Variants in TAB2 observed in about 807,000 individuals in gnomAD.
The protein encoded by TAB2 is TGF-beta-activated kinase 1 and MAP3K7-binding protein 2.
TAB2 carries 3 observed loss-of-function variants against 65.0 expected under a neutral mutation model. The ratio of observed to expected loss-of-function variants is 0.05; its 90% CI spans 0.02 to 0.12. The LOEUF (loss-of-function observed/expected upper bound fraction) is 0.12, where lower values mean the gene tolerates loss of function less well. TAB2 is among the 10% of genes least tolerant of loss of function. TAB2 has a pLI of 1.00. For missense variants in TAB2, 623 were observed against 840.3 expected (o/e 0.74, Z 3.20); for synonymous variants, 298 against 285.1 (o/e 1.05, Z -0.46).
intron 1 of TAB2, among the ~76,000 whole-genome samples, chr6:149,270,965 G>A (rs1279279258): frequency 6.6e-6 from 1 of 152,128 alleles, no homozygotes; most frequent in African/African-American, 2.4e-5. Context: ...GAGGGTTACG[G>A]GGTGGTATAA....
chr6:149,233,401 T>C (rs993104213), intron 1 of TAB2, among the ~76,000 whole-genome samples: 2 of 152,200 alleles, frequency 1.3e-5, no homozygotes, highest in African/African-American at 4.8e-5. Flanking sequence ...CCTTCCTGCC[T>C]GGGCCCAGAG....
intron 1 of TAB2, among the ~76,000 whole-genome samples, chr6:149,307,061 G>GCC (rs1334939942): frequency 6.6e-6 from 1 of 152,124 alleles, no homozygotes; most frequent in Non-Finnish European, 1.5e-5. Flanking sequence ...CCCAAAGGCT[G>GCC]CCCCTCCTCC....
intron 3 of TAB2, chr6:149,380,009 A>G (rs1421635439): frequency 6.7e-6 from 3 of 447,322 alleles, no homozygotes; most frequent in South Asian, 4.8e-5. Flanking sequence ...GGAGGCCAAG[A>G]TGGGAGGATC....
chr6:149,226,194 T>C (rs1344325737), intron 1 of TAB2, among the ~76,000 whole-genome samples: 4 of 152,162 alleles, frequency 2.6e-5, no homozygotes, highest in African/African-American at 9.7e-5. Flanking sequence ...TTGTTTGGTA[T>C]AGCTCGGGCA....
At position 149,327,410 on chromosome 6, in the gene TAB2, C is replaced by T. The variant is rs866753891; in HGVS notation, c.-90+9395C>T. The stretch of plus-strand genomic sequence containing the variant: ...TCGATTTCTAGGCCCAAGCCATCCT[C>T]TTGCCTCAGCTTCCCAAGTAGCTAG... On this transcript the variant is annotated intron_variant, in intron 1 of 6. Coordinates refer to ENST00000637181, the MANE Select transcript of TAB2 (RefSeq NM_001292034.3). 3.3e-4 allele frequency among the ~76,000 whole-genome samples: 50 copies of T among 152,346 alleles called. 1 individual carries two copies. The highest frequency in any genetic ancestry group is 1.1e-3 in the African/African-American group (47 of 41,578).
intron 1 of TAB2, among the ~76,000 whole-genome samples, chr6:149,335,648 ACAGGTATGAGCC>A (rs1033827860): frequency 3.3e-5 from 5 of 152,282 alleles, no homozygotes; most frequent in Middle Eastern, 3.4e-3. Context: ...TGCTGCGATT[ACAGGTATGAGCC>A]ACTATACCTG....
intron 1 of TAB2, chr6:149,230,172 G>A (rs1198075765): frequency 6.6e-6 from 1 of 152,216 alleles, no homozygotes; most frequent in Admixed American, 6.5e-5. Context: ...CTTGTGGTCT[G>A]ATGCATTTAT....
At chr6:149,369,336 G>A (rs1468258054) in intron 1 of TAB2, among the ~76,000 whole-genome samples, 1 of 151,886 alleles carries the variant, frequency 6.6e-6, no homozygotes, top group Non-Finnish European at 1.5e-5. Context: ...AAACCCCTTG[G>A]GAAATATTAG....
chr6:149,229,332 G>A (rs1260874680), intron 1 of TAB2, among the ~76,000 whole-genome samples: 1 of 152,068 alleles, frequency 6.6e-6, no homozygotes, highest in Non-Finnish European at 1.5e-5. Context: ...CTGGCACCGT[G>A]CTTCTACTAA....
At chr6:149,339,137 G>A (rs1257837328) in intron 1 of TAB2, among the ~76,000 whole-genome samples, 6 of 152,214 alleles carry the variant, frequency 3.9e-5, no homozygotes, top group South Asian at 2.1e-4. Context: ...AGGCCGAGAC[G>A]GGCGGATCAT....
chr6:149,314,351 T>C (rs1779213895), upstream of TAB2, among the ~76,000 whole-genome samples: 1 of 152,196 alleles, frequency 6.6e-6, no homozygotes, highest in African/African-American at 2.4e-5. Context: ...TAGAGAACAG[T>C]CCAGGCTCAG....
intron 1 of TAB2, among the ~76,000 whole-genome samples, chr6:149,275,450 G>A (rs1778454827): frequency 6.6e-6 from 1 of 152,122 alleles, no homozygotes; most frequent in Admixed American, 6.6e-5. Flanking sequence ...ATATCCTTGA[G>A]ACCATACTGA....
At chr6:149,394,224 A>C (rs556603283) in intron 3 of TAB2, among the ~76,000 whole-genome samples, 2 of 151,914 alleles carry the variant, frequency 1.3e-5, no homozygotes, top group Non-Finnish European at 2.9e-5. Context: ...GGAATTCTTT[A>C]TCTCTGATAA....
At chr6:149,386,028 T>C (rs991692784) in intron 3 of TAB2, among the ~76,000 whole-genome samples, 4 of 152,084 alleles carry the variant, frequency 2.6e-5, no homozygotes, top group African/African-American at 9.7e-5. Context: ...CCCTTCCCAT[T>C]ATATTCCCCT....
chr6:149,382,411 C>T (rs1297784079), intron 3 of TAB2, among the ~76,000 whole-genome samples: 3 of 152,018 alleles, frequency 2.0e-5, no homozygotes, highest in East Asian at 3.9e-4. Flanking sequence ...GCCTGGCCAA[C>T]AGGGTGAAAC....
chr6:149,311,142 A>G (rs1156598231), intron 1 of TAB2, among the ~76,000 whole-genome samples: 1 of 152,210 alleles, frequency 6.6e-6, no homozygotes, highest in Non-Finnish European at 1.5e-5. Flanking sequence ...AATTTAGTTC[A>G]CATTGCTACC....
Position 149,228,365 on chromosome 6 carries a change from G to A in TAB2, c.-121+9589G>A, listed in dbSNP as rs140012058. Among the ~76,000 whole-genome samples the A allele has an allele frequency of 3.9e-5, 6 of 152,160 alleles. No individual in the cohort carries two copies. In the East Asian group the frequency reaches 1.2e-3, roughly 29 times the overall value. ...CCTGGAATCTGGCTGACAAGGTGAG[G>A]GTGGCATCTGGGGACTCTGGGGAGG... On this transcript the variant is annotated intron_variant, in intron 1 of 1. Transcript: ENST00000606202.
At chr6:149,351,806 A>G (rs921223354) in intron 1 of TAB2, among the ~76,000 whole-genome samples, 1 of 152,196 alleles carries the variant, frequency 6.6e-6, no homozygotes, top group African/African-American at 2.4e-5. Flanking sequence ...ACCTTATATC[A>G]TAATTGTCTC....
At chr6:149,369,770 G>A (rs1325222571) in intron 1 of TAB2, 139 bp from the exon 2 acceptor site, 3 of 601,506 alleles carry the variant, frequency 5.0e-6, no homozygotes, top group African/African-American at 1.9e-5. Context: ...TATATGGAAA[G>A]CATTTTAGGT....
Sources: allele counts gnomAD v4.1 joint callset (sites outside exome capture counted in the v4.1 genomes callset), GRCh38; gene constraint gnomAD v4.1.1; transcripts MANE v1.5; gene names NCBI Gene and HGNC (gene_info 2026-07-23, HGNC 2026-07-21).